Variants in CNTNAP2 observed in about 807,000 individuals in gnomAD.
CNTNAP2 encodes contactin associated protein 2.
CNTNAP2 carries 98 observed loss-of-function variants against 155.2 expected under a neutral mutation model. That is an observed-to-expected ratio of 0.63 (90% CI 0.54 to 0.75). The LOEUF (loss-of-function observed/expected upper bound fraction) is 0.75. Among genes scored for constraint, CNTNAP2 ranks in the 30% least tolerant of loss-of-function variants. The pLI, the probability that CNTNAP2 is intolerant of heterozygous loss-of-function variation, is 0.00. For missense variants in CNTNAP2, 1,727 were observed against 1,688.1 expected, an observed-to-expected ratio of 1.02 and a Z score of -0.40; for synonymous variants, 651 against 631.2, an observed-to-expected ratio of 1.03 and a Z score of -0.47.
chr7:146,827,630 A>T (rs919927784), intron 2 of CNTNAP2, among the ~76,000 whole-genome samples: 2 of 152,030 alleles, frequency 1.3e-5, no homozygotes, highest in Admixed American at 6.6e-5. Context: ...TATTTCCAAA[A>T]TTCTGCAGAC....
At chr7:148,409,189 T>C (rs959441789) in intron 22 of CNTNAP2, among the ~76,000 whole-genome samples, 3 of 152,116 alleles carry the variant, frequency 2.0e-5, no homozygotes, top group African/African-American at 7.2e-5. Context: ...ACCTAGGCCT[T>C]GTGCAAAGAG....
At chr7:146,342,950 A>G (rs1374736309) in intron 1 of CNTNAP2, among the ~76,000 whole-genome samples, 2 of 152,194 alleles carry the variant, frequency 1.3e-5, no homozygotes, top group African/African-American at 2.4e-5. Flanking sequence ...AGCACACCAC[A>G]CTGTGCAGCA....
At chr7:146,301,284 C>A (rs1800605306) in intron 1 of CNTNAP2, among the ~76,000 whole-genome samples, 1 of 151,992 alleles carries the variant, frequency 6.6e-6, no homozygotes, top group Non-Finnish European at 1.5e-5. Flanking sequence ...AAGACTATTC[C>A]ATAATTTCTT....
In CNTNAP2 at chr7:147,062,107, G is replaced by A. The variant is rs372274088; in HGVS notation, c.550+18053G>A. Among the ~76,000 whole-genome samples the A allele has an allele frequency of 3.7e-3, 393 of 105,630 alleles. 5 individuals are homozygous for A. Among genetic ancestry groups the A allele is most frequent in the African/African-American group, 0.012 (339 of 28,020 alleles). 69.3% of individuals were successfully genotyped at this position (105,630 alleles called of 152,430 possible). On this transcript the variant is annotated intron_variant, in intron 4 of 23. Transcript: ENST00000361727. ...CGCACCACTGCACTCCAGCCTGGGC[G>A]ACAGAGCGAGACTCCGTCTCAAAAA...
intron 8 of CNTNAP2, among the ~76,000 whole-genome samples, chr7:147,183,193 TA>T: frequency 6.6e-6 from 1 of 152,226 alleles, no homozygotes; most frequent in East Asian, 1.9e-4. Flanking sequence ...TAATCTAAAT[TA>T]AAATACAAAA....
intron 21 of CNTNAP2, among the ~76,000 whole-genome samples, chr7:148,338,552 G>C (rs948927802): frequency 6.7e-6 from 1 of 150,036 alleles, no homozygotes; most frequent in Non-Finnish European, 1.5e-5. Context: ...ATTGGGGCGT[G>C]GGGGGGTGAG....
intron 1 of CNTNAP2, among the ~76,000 whole-genome samples, chr7:146,352,794 G>A (rs1297772658): frequency 8.7e-6 from 1 of 114,714 alleles, no homozygotes; most frequent in Non-Finnish European, 1.6e-5. Context: ...TCTCTCTGTC[G>A]CCCAGGCTGG....
chr7:146,671,423 T>G (rs1367708530), intron 1 of CNTNAP2, among the ~76,000 whole-genome samples: 1 of 79,394 alleles, frequency 1.3e-5, no homozygotes, highest in African/African-American at 3.1e-5. Flanking sequence ...TCTCTTTTTT[T>G]GTCACTCACA....
chr7:147,615,091 CAAA>C (rs71183021), intron 12 of CNTNAP2, among the ~76,000 whole-genome samples: 1 of 123,116 alleles, frequency 8.1e-6, no homozygotes, highest in Non-Finnish European at 1.7e-5. Context: ...CCATCTTTAT[CAAA>C]AAAAAAAAAA....
chr7:147,598,660 T>C (rs1563015053), intron 12 of CNTNAP2, among the ~76,000 whole-genome samples: 2 of 152,186 alleles, frequency 1.3e-5, no homozygotes, highest in East Asian at 1.9e-4. Flanking sequence ...TATTTTCTTA[T>C]GTCTGCTATC....
chr7:146,258,114 A>T (rs1035612122), intron 1 of CNTNAP2, among the ~76,000 whole-genome samples: 3 of 151,908 alleles, frequency 2.0e-5, no homozygotes, highest in African/African-American at 7.3e-5. Context: ...CTGATCTCGA[A>T]CTCCTGACCT....
At chr7:148,038,988 G>T (rs1468269740) in intron 15 of CNTNAP2, among the ~76,000 whole-genome samples, 1 of 152,144 alleles carries the variant, frequency 6.6e-6, no homozygotes, top group Non-Finnish European at 1.5e-5. Flanking sequence ...CCTCCAGAGA[G>T]ACAGAACCAA....
chr7:146,262,965 G>T (rs1033688597), intron 1 of CNTNAP2, among the ~76,000 whole-genome samples: 9 of 152,134 alleles, frequency 5.9e-5, no homozygotes, highest in African/African-American at 2.2e-4. Context: ...ATCACAAAGT[G>T]GTGGGCTTGT....
In CNTNAP2 at chr7:146,407,050, A is replaced by G. The variant is rs1203888218; in HGVS notation, c.97+290077A>G. ...TAGCATGCCTGTATTGGGTGCTAAA[A>G]TAGTGCCTTGGGTACTTGACGGCAG... On this transcript the variant is annotated intron_variant, in intron 1 of 23. Coordinates refer to ENST00000361727, the MANE Select transcript of CNTNAP2 (RefSeq NM_014141.6). Among the ~76,000 whole-genome samples the G allele has an allele frequency of 4.6e-5, 7 of 152,342 alleles. No individual in the cohort carries two copies. The East Asian group carries it at 1.4e-3, about 29-fold the overall frequency.
chr7:146,552,478 T>C (rs971228693), intron 1 of CNTNAP2, among the ~76,000 whole-genome samples: 2 of 152,120 alleles, frequency 1.3e-5, no homozygotes, highest in African/African-American at 4.8e-5. Context: ...TAAGCTACCA[T>C]TGGATTTTTC....
At chr7:147,190,107 T>C (rs368273676) in intron 8 of CNTNAP2, among the ~76,000 whole-genome samples, 1 of 152,082 alleles carries the variant, frequency 6.6e-6, no homozygotes, top group Admixed American at 6.6e-5. Flanking sequence ...ATATATTCAG[T>C]CCATTGTCTG....
intron 1 of CNTNAP2, among the ~76,000 whole-genome samples, chr7:146,511,165 T>C (rs1247530243): frequency 6.6e-6 from 1 of 152,240 alleles, no homozygotes; most frequent in African/African-American, 2.4e-5. Context: ...CCCAAAGTGC[T>C]GGGATTACAG....
intron 9 of CNTNAP2, among the ~76,000 whole-genome samples, chr7:147,339,827 A>C (rs1458004006): frequency 6.6e-6 from 1 of 152,162 alleles, no homozygotes; most frequent in Non-Finnish European, 1.5e-5. Context: ...TGCCCATTTG[A>C]GAACATCATA....
At chr7:148,303,704 T>A (rs1323048319) in intron 21 of CNTNAP2, among the ~76,000 whole-genome samples, 2 of 152,234 alleles carry the variant, frequency 1.3e-5, no homozygotes, top group Admixed American at 6.5e-5. Context: ...TTTCTGGAAA[T>A]TGTCCTTATT....
Sources: gnomAD v4.1 joint callset for allele counts (sites outside exome capture counted in the v4.1 genomes callset) on GRCh38, gnomAD v4.1.1 for gene constraint, MANE v1.5 for transcripts, NCBI Gene and HGNC (gene_info 2026-07-23, HGNC 2026-07-21) for gene names.